The following NALCN variants were observed in gnomAD, a reference collection of about 807,000 sequenced individuals.
NALCN encodes the protein sodium leak channel NALCN.
NALCN carries 111 observed loss-of-function variants against 225.3 expected under a neutral mutation model. The observed-to-expected ratio is 0.49, with a 90% CI of 0.42 to 0.58. The LOEUF (loss-of-function observed/expected upper bound fraction) is 0.58. Ranked by LOEUF, NALCN falls within the 20% of genes least tolerant of loss-of-function variation. The pLI is 0.00. For missense variants in NALCN, 1,378 were observed against 2,202.4 expected, an observed-to-expected ratio of 0.63 and a Z score of 7.49; for synonymous variants, 764 against 769.0, an observed-to-expected ratio of 0.99 and a Z score of 0.11.
chr13:101,350,122 C>G (rs2045866793), intron 6 of NALCN, among the ~76,000 whole-genome samples: 1 of 152,166 alleles, frequency 6.6e-6, no homozygotes, highest in Non-Finnish European at 1.5e-5. Flanking sequence ...CCACTCTTAG[C>G]CTTTCTGATA....
intron 1 of NALCN, among the ~76,000 whole-genome samples, chr13:101,407,820 T>C (rs1572590): frequency 0.081 from 12,292 of 152,246 alleles, 581 homozygotes; most frequent in East Asian, 0.12. Context: ...CGAACTTCTG[T>C]ACATGTTCAC....
intron 19 of NALCN, 142 bp downstream of exon 19, chr13:101,110,983 A>T (rs2035397580): frequency 1.2e-6 from 1 of 826,858 alleles, no homozygotes. Context: ...TCATTATTGT[A>T]ACAAACAGCA....
intron 6 of NALCN, among the ~76,000 whole-genome samples, chr13:101,367,633 C>G (rs1316881139): frequency 1.3e-5 from 2 of 152,014 alleles, no homozygotes; most frequent in African/African-American, 2.4e-5. Context: ...TAAAAATCAA[C>G]TCTAATTGTG....
At position 101,141,469 on chromosome 13, in the gene NALCN, T is replaced by A. The variant is rs566996464; in HGVS notation, c.2118+1611A>T. On this transcript the variant is annotated intron_variant, in intron 17 of 43. Transcript: ENST00000251127. ...GCATCTCTAGATGGCTGAAGGAAAA[T>A]CAACACATGGAAATCCTTGAAAAAG... 2.6e-5 allele frequency among the ~76,000 whole-genome samples: 4 copies of A among 151,894 alleles called. No homozygotes were observed. The South Asian group carries it at 8.3e-4, about 32-fold the overall frequency.
At chr13:101,407,110 G>A (rs1394509837) in intron 1 of NALCN, among the ~76,000 whole-genome samples, 1 of 152,158 alleles carries the variant, frequency 6.6e-6, no homozygotes, top group Non-Finnish European at 1.5e-5. Context: ...CCAAAGCCCA[G>A]AACACAGTTG....
At chr13:101,152,986 G>A (rs1329526040) in intron 15 of NALCN, among the ~76,000 whole-genome samples, 1 of 151,402 alleles carries the variant, frequency 6.6e-6, no homozygotes, top group Non-Finnish European at 1.5e-5. Flanking sequence ...CACACCAAAG[G>A]GAATTCAGGA....
chr13:101,138,330 T>G (rs879340256), intron 17 of NALCN, among the ~76,000 whole-genome samples: 1 of 152,224 alleles, frequency 6.6e-6, no homozygotes, highest in Non-Finnish European at 1.5e-5. Context: ...CAAAACATAG[T>G]CATTCCAATG....
rs114554432 is a variant in NALCN, at chr13:101,116,969, G to A, written c.2193-5743C>T. The A allele has an allele frequency of 3.0e-3, 1,559 of 516,332 alleles. 32 individuals are homozygous for A. The highest frequency in any genetic ancestry group is 0.025 in the African/African-American group (1,325 of 52,006). 32.0% of individuals were successfully genotyped at this position (516,332 alleles called of 1,614,324 possible). ...GATCTTCCCAAGTAGAGACAACAGC[G>A]GATGCTAATGGGTGAGCTCGTCGGT... On this transcript the variant is annotated intron_variant, in intron 18 of 43. Transcript: ENST00000251127.
rs374578616 is a variant in NALCN, at chr13:101,237,738, G to T, written c.1434+17C>A. The T allele has an allele frequency of 6.5e-7, 1 of 1,528,242 alleles. No individual in the cohort carries two copies. 94.7% of individuals were successfully genotyped at this position (1,528,242 alleles called of 1,614,324 possible). ...ATAAATAAATTTCTAAAGACAAATAGGCATTATTTTTATTACCTGAAAGTA... is the reference window on the plus strand; with the variant it reads ...ATAAATAAATTTCTAAAGACAAATATGCATTATTTTTATTACCTGAAAGTA... On this transcript the variant is annotated intron_variant, in intron 12 of 43. Transcript: ENST00000251127.
At chr13:101,296,229 T>C (rs2043750248) in intron 7 of NALCN, among the ~76,000 whole-genome samples, 1 of 152,222 alleles carries the variant, frequency 6.6e-6, no homozygotes, top group Non-Finnish European at 1.5e-5. Context: ...ACTGTATCTT[T>C]CATTTCTGTA....
chr13:101,269,963 T>C (rs1301728311), intron 10 of NALCN, among the ~76,000 whole-genome samples: 5 of 152,202 alleles, frequency 3.3e-5, no homozygotes, highest in African/African-American at 7.2e-5. Flanking sequence ...TATTAGTCCT[T>C]CCACAATAAT....
chr13:101,265,395 A>G (rs147054914), intron 10 of NALCN, among the ~76,000 whole-genome samples: 158 of 152,280 alleles, frequency 1.0e-3, no homozygotes, highest in South Asian at 2.1e-3. Context: ...CAAAAGTGTA[A>G]TGAGACAATG....
At chr13:101,227,251 A>C (rs1436015674) in intron 13 of NALCN, among the ~76,000 whole-genome samples, 1 of 152,064 alleles carries the variant, frequency 6.6e-6, no homozygotes, top group Non-Finnish European at 1.5e-5. Context: ...CTTTGCCATC[A>C]TCCTCCTTAT....
At chr13:101,117,298 T>A (rs1489101965) in intron 18 of NALCN, among the ~76,000 whole-genome samples, 1 of 152,206 alleles carries the variant, frequency 6.6e-6, no homozygotes, top group East Asian at 1.9e-4. Context: ...TCCATGCCTT[T>A]CGTGCATCTA....
In NALCN at chr13:101,415,799, G is replaced by A. The variant is rs532062967; in HGVS notation, c.-40+514C>T. Reference sequence around the variant, plus strand: ...CCCCGCGGAGACCTGCTGGAGCCAGGCTGCCCACCCCCACCTCCCCACCCG... The same window carrying A: ...CCCCGCGGAGACCTGCTGGAGCCAGACTGCCCACCCCCACCTCCCCACCCG... On this transcript the variant is annotated intron_variant, in intron 1 of 43. Transcript: ENST00000251127. 3.1e-3 allele frequency among the ~76,000 whole-genome samples: 478 copies of A among 152,230 alleles called. 1 individual carries two copies. Among genetic ancestry groups the A allele is most frequent in the African/African-American group, 0.011 (467 of 41,542 alleles).
At chr13:101,340,470 T>C (rs980950310) in intron 7 of NALCN, among the ~76,000 whole-genome samples, 2 of 152,206 alleles carry the variant, frequency 1.3e-5, no homozygotes, top group Non-Finnish European at 2.9e-5. Flanking sequence ...ACATTCATAT[T>C]TTGCCCGTGC....
intron 13 of NALCN, among the ~76,000 whole-genome samples, chr13:101,216,687 A>T (rs2040747200): frequency 6.6e-6 from 1 of 152,164 alleles, no homozygotes; most frequent in Non-Finnish European, 1.5e-5. Context: ...CAAATAATTT[A>T]AAAAATTAAG....
intron 26 of NALCN, 95 bp from the exon 27 acceptor site, chr13:101,100,983 T>C (rs1340559112): frequency 1.3e-5 from 12 of 959,104 alleles, no homozygotes; most frequent in Admixed American, 6.4e-5. Context: ...TAAGATAACA[T>C]TGTATAAAAA....
intron 15 of NALCN, among the ~76,000 whole-genome samples, chr13:101,145,980 C>A (rs901822783): frequency 1.4e-4 from 21 of 152,080 alleles, no homozygotes; most frequent in African/African-American, 3.6e-4. Context: ...GCCAAGAGAG[C>A]TTTTAAAACA....
Sources: allele counts gnomAD v4.1 joint callset (sites outside exome capture counted in the v4.1 genomes callset), GRCh38; gene constraint gnomAD v4.1.1; transcripts MANE v1.5; gene names NCBI Gene and HGNC (gene_info 2026-07-23, HGNC 2026-07-21).